CDH11: variants seen among roughly 807,000 people sequenced by gnomAD.
CDH11 encodes cadherin-11.
A neutral mutation model predicts 67.8 loss-of-function variants in CDH11; 11 were observed. That is an observed-to-expected ratio of 0.16 (90% confidence interval 0.10 to 0.27). CDH11 has a LOEUF of 0.27. Ranked by LOEUF, CDH11 falls within the 10% of genes least tolerant of loss-of-function variation. The probability of loss-of-function intolerance (pLI) is 1.00; values close to 1 mark genes in which losing one functional copy is unlikely to be tolerated. For synonymous variants in CDH11, 419 were observed against 400.0 expected, an observed-to-expected ratio of 1.05 and a Z score of -0.57; for missense variants, 847 against 1,031.2, an observed-to-expected ratio of 0.82 and a Z score of 2.45.
At chr16:65,025,327 T>G (rs1375680403) in intron 2 of CDH11, among the ~76,000 whole-genome samples, 1 of 152,116 alleles carries the variant, frequency 6.6e-6, no homozygotes, top group Non-Finnish European at 1.5e-5. Flanking sequence ...TTACATTTAT[T>G]TGGGTAGGTT....
intron 8 of CDH11, among the ~76,000 whole-genome samples, chr16:64,980,046 T>A (rs2072290192): frequency 6.6e-6 from 1 of 152,150 alleles, no homozygotes; most frequent in Non-Finnish European, 1.5e-5. Context: ...AAGTTAATTG[T>A]TACAGGAGGC....
chr16:65,006,035 T>A (rs1367173162), intron 2 of CDH11, among the ~76,000 whole-genome samples: 1 of 152,068 alleles, frequency 6.6e-6, no homozygotes, highest in Non-Finnish European at 1.5e-5. Context: ...CTGCCTTGGG[T>A]TCTGGACTTC....
At chr16:65,007,678 C>G (rs2073089738) in intron 2 of CDH11, among the ~76,000 whole-genome samples, 1 of 152,160 alleles carries the variant, frequency 6.6e-6, no homozygotes, top group Admixed American at 6.5e-5. Flanking sequence ...CTGTCTCACT[C>G]TGTAAACTGA....
intron 1 of CDH11, among the ~76,000 whole-genome samples, chr16:65,112,711 C>T (rs1031694612): frequency 1.3e-5 from 2 of 152,080 alleles, no homozygotes; most frequent in African/African-American, 2.4e-5. Context: ...CTTTACAGAA[C>T]CTTGGAATGG....
At chr16:64,961,214 C>T (rs758487224) in intron 11 of CDH11, among the ~76,000 whole-genome samples, 12 of 152,018 alleles carry the variant, frequency 7.9e-5, no homozygotes, top group African/African-American at 2.2e-4. Context: ...GCATCAAGGA[C>T]GGAGAAGGCC....
At chr16:65,046,410 C>A (rs1248908223) in intron 2 of CDH11, among the ~76,000 whole-genome samples, 1 of 152,192 alleles carries the variant, frequency 6.6e-6, no homozygotes, top group Admixed American at 6.5e-5. Context: ...AGAGGGGCAC[C>A]TCCAGCCATC....
At chr16:65,022,950 C>T (rs1460220608) in intron 2 of CDH11, among the ~76,000 whole-genome samples, 1 of 152,128 alleles carries the variant, frequency 6.6e-6, no homozygotes, top group East Asian at 1.9e-4. Flanking sequence ...CTCATACAGC[C>T]AAATGACCTT....
At chr16:65,061,871 A>G (rs369067153) in intron 1 of CDH11, among the ~76,000 whole-genome samples, 1 of 152,114 alleles carries the variant, frequency 6.6e-6, no homozygotes, top group Admixed American at 6.6e-5. Context: ...ACAACACACA[A>G]TTTCATCTTA....
rs151040032 is a variant in CDH11, at chr16:65,114,690, C to T, written c.-298+7190G>A. ...GCCAGCCTGGAGCAAGAACAGATGA[C>T]ACCGGCGAGCCGCAGATGGGAAACT... On this transcript the variant is annotated intron_variant, in intron 1 of 12. Coordinates refer to ENST00000268603, the MANE Select transcript of CDH11 (RefSeq NM_001797.4). Among the ~76,000 whole-genome samples, 537 of 152,260 alleles carry T rather than the reference C, an allele frequency of 3.5e-3. 5 individuals carry two copies. The highest frequency in any genetic ancestry group is 0.012 in the African/African-American group (511 of 41,550).
chr16:65,015,125 G>T (rs2073274461), intron 2 of CDH11, among the ~76,000 whole-genome samples: 1 of 151,220 alleles, frequency 6.6e-6, no homozygotes, highest in African/African-American at 2.4e-5. Flanking sequence ...ACCCGCCTCG[G>T]CCTCCCAGAG....
chr16:64,951,125 C>A (rs1317825604), intron 11 of CDH11, 107 bp from the exon 12 acceptor site: 2 of 1,114,774 alleles, frequency 1.8e-6, no homozygotes, highest in Non-Finnish European at 2.5e-6. Flanking sequence ...AAAGGTTAAC[C>A]GCCAGAATCG....
At chr16:64,953,003 C>T (rs1183295668) in intron 11 of CDH11, among the ~76,000 whole-genome samples, 1 of 152,090 alleles carries the variant, frequency 6.6e-6, no homozygotes, top group Non-Finnish European at 1.5e-5. Flanking sequence ...TTGCATATAA[C>T]CTACACACAT....
chr16:65,112,640 T>C (rs2075179754), intron 1 of CDH11, among the ~76,000 whole-genome samples: 1 of 152,194 alleles, frequency 6.6e-6, no homozygotes, highest in African/African-American at 2.4e-5. Context: ...AATCAAACCC[T>C]GCCAAAGTGT....
In CDH11 at chr16:65,116,059, T is replaced by C. The variant is rs541317229; in HGVS notation, c.-298+5821A>G. On this transcript the variant is annotated intron_variant, in intron 1 of 12. Coordinates refer to ENST00000268603, the MANE Select transcript of CDH11 (RefSeq NM_001797.4). Reference sequence around the variant, plus strand: ...GGACTTACTCTCTTCACCCTCATCCTGGCCCCGCTGCTGGGCACTATTGCT... The same window carrying C: ...GGACTTACTCTCTTCACCCTCATCCCGGCCCCGCTGCTGGGCACTATTGCT... Among the ~76,000 whole-genome samples, 4 of 152,352 alleles carry C rather than the reference T, an allele frequency of 2.6e-5. No individual in the cohort carries two copies. The South Asian group carries it at 8.3e-4, about 32-fold the overall frequency.
At chr16:65,090,407 A>T (rs2074774081) in intron 1 of CDH11, among the ~76,000 whole-genome samples, 1 of 152,090 alleles carries the variant, frequency 6.6e-6, no homozygotes. Flanking sequence ...TATCACCACC[A>T]CCAACAGCAA....
At chr16:65,071,569 A>G (rs1180831445) in intron 1 of CDH11, among the ~76,000 whole-genome samples, 1 of 152,128 alleles carries the variant, frequency 6.6e-6, no homozygotes, top group East Asian at 1.9e-4. Context: ...TTTAATGAGG[A>G]GGGGACCAGA....
intron 2 of CDH11, among the ~76,000 whole-genome samples, chr16:65,051,820 A>G (rs1436466464): frequency 6.6e-6 from 1 of 152,160 alleles, no homozygotes; most frequent in African/African-American, 2.4e-5. Flanking sequence ...TCCTTCCACC[A>G]TGATTCTAAG....
rs2075308219 is a variant in CDH11 at position 65,120,525 on chromosome 16, G to A, written c.-298+1355C>T. 3.3e-5 allele frequency among the ~76,000 whole-genome samples: 5 copies of A among 152,140 alleles called. No homozygotes were observed. The South Asian group carries it at 1.0e-3, about 32-fold the overall frequency. ...AGCGATCGTAGCACGATTTCTTTAGGGGGAGACGAAGGGGGAAGACTTTAG... is the reference window on the plus strand; with the variant it reads ...AGCGATCGTAGCACGATTTCTTTAGAGGGAGACGAAGGGGGAAGACTTTAG... On this transcript the variant is annotated intron_variant, in intron 1 of 12. Coordinates refer to ENST00000268603, the MANE Select transcript of CDH11 (RefSeq NM_001797.4).
Position 64,946,702 on chromosome 16 carries a change from TCAC to T in CDH11, c.*898_*900del. On this transcript the variant is annotated 3_prime_UTR_variant, in exon 13 of 13. Transcript: ENST00000268603. Reference sequence around the variant, plus strand: ...GATCATAAATAGGGTTATTAAAAGATCACAATTAAATTAGAAATATAAATGGAT... The same window carrying T: ...GATCATAAATAGGGTTATTAAAAGATAATTAAATTAGAAATATAAATGGAT... The T allele has an allele frequency of 3.2e-6, 3 of 938,376 alleles. No homozygotes were observed. Among genetic ancestry groups the T allele is most frequent in the Non-Finnish European group, 3.9e-6 (3 of 774,844 alleles). The allele number at this position is 938,376 out of a possible 1,614,324, so 58.1% of individuals were successfully genotyped here.
Sources: gnomAD v4.1 joint callset for allele counts (sites outside exome capture counted in the v4.1 genomes callset) on GRCh38, gnomAD v4.1.1 for gene constraint, MANE v1.5 for transcripts, NCBI Gene and HGNC (gene_info 2026-07-23, HGNC 2026-07-21) for gene names.